Variants in CDH18 observed in about 807,000 individuals in gnomAD.
CDH18 encodes cadherin-18.
A neutral mutation model predicts 67.9 loss-of-function variants in CDH18; 31 were observed. That is an observed-to-expected ratio of 0.46 (90% confidence interval 0.34 to 0.62). The LOEUF is 0.62. Ranked by LOEUF, CDH18 falls within the 20% of genes least tolerant of loss-of-function variation. The pLI is 0.01. For synonymous variants in CDH18, 362 were observed against 347.2 expected (o/e 1.04, Z -0.48); for missense variants, 890 against 975.5 (o/e 0.91, Z 1.17).
chr5:20,063,027 C>G lies in CDH18; in HGVS notation c.-517-71013G>C, dbSNP rs1052776881. 4.3e-4 allele frequency among the ~76,000 whole-genome samples: 56 copies of G among 130,232 alleles called. 1 individual carries two copies. The highest frequency in any genetic ancestry group is 5.6e-3 in the Middle Eastern group (1 of 180). The allele number at this position is 130,232 out of a possible 152,430, so 85.4% of individuals were successfully genotyped here. Reference sequence around the variant, plus strand: ...TTTTTGAGACAGAGTCTTGGTCTGTCACCCAGGCTGGGGTACACCAATATG... The same window carrying G: ...TTTTTGAGACAGAGTCTTGGTCTGTGACCCAGGCTGGGGTACACCAATATG... On this transcript the variant is annotated intron_variant, in intron 2 of 14. Coordinates refer to the CDH18 transcript ENST00000507958.
chr5:20,235,265 A>T (rs2126520674), intron 2 of CDH18, among the ~76,000 whole-genome samples: 1 of 152,222 alleles, frequency 6.6e-6, no homozygotes, highest in East Asian at 1.9e-4. Context: ...CAACAAAACC[A>T]AAAGTTGACA....
At chr5:19,758,520 T>C (rs1371709905) in intron 3 of CDH18, among the ~76,000 whole-genome samples, 1 of 152,224 alleles carries the variant, frequency 6.6e-6, no homozygotes, top group East Asian at 1.9e-4. Context: ...CACAGAAGCC[T>C]GGATCTGTTG....
At chr5:19,646,822 A>G (rs956135382) in intron 5 of CDH18, among the ~76,000 whole-genome samples, 1 of 152,186 alleles carries the variant, frequency 6.6e-6, no homozygotes, top group Non-Finnish European at 1.5e-5. Flanking sequence ...AAATGACAAC[A>G]AAGTATTAAA....
intron 6 of CDH18, among the ~76,000 whole-genome samples, chr5:19,595,164 G>C (rs1292283907): frequency 1.3e-5 from 2 of 151,890 alleles, no homozygotes; most frequent in Non-Finnish European, 2.9e-5. Flanking sequence ...GAAAAAGTTA[G>C]AAAAATAATC....
chr5:19,599,507 A>T (rs1258711300), intron 6 of CDH18, among the ~76,000 whole-genome samples: 3 of 152,182 alleles, frequency 2.0e-5, no homozygotes, highest in Non-Finnish European at 4.4e-5. Flanking sequence ...TATTTTGGTC[A>T]TCATATACAT....
At chr5:19,967,365 G>A (rs1279559363) in intron 2 of CDH18, among the ~76,000 whole-genome samples, 1 of 152,100 alleles carries the variant, frequency 6.6e-6, no homozygotes, top group African/African-American at 2.4e-5. Context: ...TCATTCAACT[G>A]TTAAGAATAG....
At chr5:20,334,325 G>A (rs1739504388) in intron 1 of CDH18, among the ~76,000 whole-genome samples, 1 of 150,682 alleles carries the variant, frequency 6.6e-6, no homozygotes, top group Admixed American at 6.6e-5. Flanking sequence ...TTTTAGTAGA[G>A]ACGGGGTTTC....
rs58308147 is a variant in CDH18, at chr5:20,418,242, A to ATTTTTTTTTTTTTTTTTTTTT, written c.-580+157199_-580+157219dup. Among the ~76,000 whole-genome samples the ATTTTTTTTTTTTTTTTTTTTT allele has an allele frequency of 2.8e-3, 160 of 56,906 alleles. 15 individuals are homozygous for ATTTTTTTTTTTTTTTTTTTTT. The highest frequency in any genetic ancestry group is 5.5e-3 in the African/African-American group (66 of 12,046). 37.3% of individuals were successfully genotyped at this position (56,906 alleles called of 152,430 possible). A position where few individuals can be genotyped will look rare whatever the true frequency, so the allele number is the denominator to read the frequency against. On this transcript the variant is annotated intron_variant, in intron 1 of 14. Coordinates refer to the CDH18 transcript ENST00000507958. ...AGGTGTCTGCCACCACTGCTGGCTA[A>ATTTTTTTTTTTTTTTTTTTTT]TTTTTTTTTTTTTTTTTTTTTTTTG...
chr5:20,241,799 C>G (rs895683885), intron 2 of CDH18, among the ~76,000 whole-genome samples: 1 of 150,126 alleles, frequency 6.7e-6, no homozygotes, highest in Non-Finnish European at 1.5e-5. Flanking sequence ...TTGCAGTGAG[C>G]CAAGATTGCG....
chr5:19,655,996 T>G (rs995339021), intron 5 of CDH18, among the ~76,000 whole-genome samples: 12 of 149,652 alleles, frequency 8.0e-5, no homozygotes, highest in Non-Finnish European at 1.6e-4. Context: ...CTTTTTTTTT[T>G]TTTTTTTTTT....
intron 1 of CDH18, among the ~76,000 whole-genome samples, chr5:20,287,170 T>C (rs1220067101): frequency 6.6e-6 from 1 of 151,774 alleles, no homozygotes; most frequent in Non-Finnish European, 1.5e-5. Flanking sequence ...TTAGCAGGTA[T>C]AATGTTTTAC....
intron 2 of CDH18, among the ~76,000 whole-genome samples, chr5:20,111,648 G>A (rs1024901142): frequency 4.8e-5 from 7 of 147,216 alleles, no homozygotes; most frequent in African/African-American, 1.5e-4. Flanking sequence ...TGGTTCAAGC[G>A]ATTCTCCTAC....
At chr5:20,520,923 T>C (rs1463239625) in intron 1 of CDH18, among the ~76,000 whole-genome samples, 1 of 152,184 alleles carries the variant, frequency 6.6e-6, no homozygotes, top group Non-Finnish European at 1.5e-5. Flanking sequence ...GTAGTACTGG[T>C]TGTGCACTGC....
At chr5:20,152,779 G>A (rs1287510893) in intron 2 of CDH18, among the ~76,000 whole-genome samples, 4 of 151,996 alleles carry the variant, frequency 2.6e-5, no homozygotes, top group Non-Finnish European at 5.9e-5. Flanking sequence ...CCATTTGTAA[G>A]GAAATCTAAA....
intron 2 of CDH18, among the ~76,000 whole-genome samples, chr5:20,201,907 C>T (rs1739479140): frequency 1.3e-5 from 2 of 152,268 alleles, no homozygotes; most frequent in Admixed American, 6.5e-5. Flanking sequence ...ATCAGGAAAA[C>T]ATTCAGGCAA....
intron 1 of CDH18, among the ~76,000 whole-genome samples, chr5:20,313,741 G>T (rs752127951): frequency 3.2e-4 from 48 of 152,068 alleles, no homozygotes; most frequent in South Asian, 1.2e-3. Context: ...TTCTCTGTGT[G>T]TGTGGGTGTA....
rs191115870 is a variant in CDH18 at position 20,569,129 on chromosome 5, T to C, written c.-580+6333A>G. Among the ~76,000 whole-genome samples the C allele has an allele frequency of 2.0e-4, 31 of 152,300 alleles. No homozygotes were observed. In the East Asian group the frequency reaches 5.4e-3, roughly 27 times the overall value. ...GGAAAACAGCTGCAGAGCAGTTCAG[T>C]GGGATGGCTACGAGTCGTGTACATA... is the stretch of plus-strand genomic sequence containing the variant. On this transcript the variant is annotated intron_variant, in intron 1 of 14. Transcript: ENST00000507958.
At chr5:19,642,887 A>C (rs1275253895) in intron 5 of CDH18, among the ~76,000 whole-genome samples, 1 of 152,118 alleles carries the variant, frequency 6.6e-6, no homozygotes, top group Admixed American at 6.5e-5. Context: ...ATGACAACTT[A>C]GGGAATGTGA....
Position 19,473,632 on chromosome 5 carries a change from A to G in CDH18, c.1967T>C (p.Val656Ala). Residue 656 changes from valine to alanine, a missense_variant, in exon 13 of 13, where the codon GTC becomes GCC. Around this residue, in one of 2 missense-constraint regions of CDH18, gnomAD observed 656 missense variants for 668.1 expected, o/e 0.98. Transcript: ENST00000382275. ...ISEEDVRENV[V>A]TYDDEGGGEE... is the part of the protein sequence containing the mutation. ...TCCGCCTCCTTCATCATCATAGGTGACCACGTTCTCCCGTACATCCTCTTC... is the reference window on the plus strand; with the variant it reads ...TCCGCCTCCTTCATCATCATAGGTGGCCACGTTCTCCCGTACATCCTCTTC... 2 of 1,613,784 alleles carry G rather than the reference A, an allele frequency of 1.2e-6. No homozygotes were observed. Among genetic ancestry groups the G allele is most frequent in the Non-Finnish European group, 1.7e-6 (2 of 1,179,804 alleles).
Sources: allele counts gnomAD v4.1 joint callset (sites outside exome capture counted in the v4.1 genomes callset), GRCh38; gene constraint gnomAD v4.1.1; regional missense constraint gnomAD v4.1.1; transcripts MANE v1.5; gene names NCBI Gene and HGNC (gene_info 2026-07-23, HGNC 2026-07-21).